GNAL: variants seen among roughly 807,000 people sequenced by gnomAD.
The protein encoded by GNAL is guanine nucleotide-binding protein G(olf) subunit alpha.
In GNAL, 18 loss-of-function variants were observed where a neutral mutation model predicts 55.1. That is an observed-to-expected ratio of 0.33 (90% confidence interval 0.23 to 0.48). GNAL has a LOEUF of 0.48. Among genes scored for constraint, GNAL ranks in the 20% least tolerant of loss-of-function variants. GNAL has a pLI of 0.99. For synonymous variants in GNAL, 253 were observed against 237.0 expected, an observed-to-expected ratio of 1.07 and a Z score of -0.62; for missense variants, 412 against 614.1, an observed-to-expected ratio of 0.67 and a Z score of 3.48.
At chr18:11,852,061 G>A (rs1376283177) in intron 5 of GNAL, 1 of 1,613,150 alleles carries the variant, frequency 6.2e-7, no homozygotes, top group Admixed American at 1.7e-5. Context: ...GGCTTCGGCG[G>A]AGCAGGATGA....
intron 4 of GNAL, among the ~76,000 whole-genome samples, chr18:11,789,136 C>T (rs2034159102): frequency 6.6e-6 from 1 of 151,810 alleles, no homozygotes; most frequent in South Asian, 2.1e-4. Context: ...CATTTCAGGT[C>T]ACACCTCTGC....
chr18:11,825,729 CAAAAA>C (rs60460793), intron 5 of GNAL, among the ~76,000 whole-genome samples: 1 of 76,926 alleles, frequency 1.3e-5, no homozygotes, highest in Non-Finnish European at 2.4e-5. Context: ...GACTCTGTCT[CAAAAA>C]AAAAAAAAAA....
intron 1 of GNAL, among the ~76,000 whole-genome samples, chr18:11,738,675 C>T (rs2032508500): frequency 6.6e-6 from 1 of 152,162 alleles, no homozygotes; most frequent in African/African-American, 2.4e-5. Context: ...TCTCGAACTC[C>T]TGGCCTCAAG....
chr18:11,689,999 G>A (rs2031188136), intron 1 of GNAL, 60 bp downstream of exon 1: 3 of 1,054,198 alleles, frequency 2.8e-6, no homozygotes, highest in Non-Finnish European at 2.4e-6. Flanking sequence ...GCCCGCGGGG[G>A]CGGCGGGCAC....
At chr18:11,839,463 A>C (rs2035566050) in intron 5 of GNAL, among the ~76,000 whole-genome samples, 1 of 139,736 alleles carries the variant, frequency 7.2e-6, no homozygotes, top group African/African-American at 2.6e-5. Context: ...TGAAAGCGGG[A>C]GGATTGCTTG....
intron 5 of GNAL, among the ~76,000 whole-genome samples, chr18:11,845,422 G>A (rs373427948): frequency 2.9e-4 from 28 of 98,056 alleles, no homozygotes; most frequent in Admixed American, 1.1e-3. Flanking sequence ...GCAGGAGAGT[G>A]CACTTTTCTT....
chr18:11,856,762 C>CT (rs5823178), intron 5 of GNAL, among the ~76,000 whole-genome samples: 20,169 of 151,826 alleles, frequency 0.13, 1,997 homozygotes, highest in African/African-American at 0.28. Context: ...CCCGTCTCTA[C>CT]TAAAAATGCA....
chr18:11,768,336 C>T (rs574440088), intron 4 of GNAL, among the ~76,000 whole-genome samples: 2 of 152,192 alleles, frequency 1.3e-5, no homozygotes, highest in Non-Finnish European at 2.9e-5. Flanking sequence ...CACCGTGGCT[C>T]ACACCTGTAA....
At chr18:11,702,252 G>T (rs2031590011) in intron 1 of GNAL, 1 of 152,252 alleles carries the variant, frequency 6.6e-6, no homozygotes, top group Admixed American at 6.5e-5. Context: ...TAGATACAAA[G>T]CTCGCTAGCA....
intron 5 of GNAL, among the ~76,000 whole-genome samples, chr18:11,834,104 G>A (rs2035449043): frequency 6.6e-6 from 1 of 152,112 alleles, no homozygotes; most frequent in Non-Finnish European, 1.5e-5. Flanking sequence ...TGAAACCAAA[G>A]TGAAAATTTA....
At chr18:11,864,796 TGAG>T (rs1297508846) in intron 7 of GNAL, among the ~76,000 whole-genome samples, 190 bp downstream of exon 7, 2 of 152,184 alleles carry the variant, frequency 1.3e-5, no homozygotes, top group African/African-American at 4.8e-5. Context: ...AAAGTAGAAA[TGAG>T]GACACCTGAA....
intron 1 of GNAL, among the ~76,000 whole-genome samples, chr18:11,725,348 G>A (rs375441915): frequency 2.0e-5 from 3 of 152,122 alleles, no homozygotes; most frequent in Non-Finnish European, 4.4e-5. Flanking sequence ...GGGAGAGGAC[G>A]CCATCCGCAA....
intron 1 of GNAL, among the ~76,000 whole-genome samples, chr18:11,711,585 G>C (rs2031840915): frequency 6.6e-6 from 1 of 152,028 alleles, no homozygotes; most frequent in South Asian, 2.1e-4. Flanking sequence ...CTATTTCTTT[G>C]TTGATATTCT....
At chr18:11,806,796 T>C (rs1415030315) in intron 4 of GNAL, among the ~76,000 whole-genome samples, 3 of 152,044 alleles carry the variant, frequency 2.0e-5, no homozygotes, top group African/African-American at 7.2e-5. Flanking sequence ...AAATGATTTG[T>C]TCTCATCATT....
At chr18:11,852,715 G>A (rs2035909370) in intron 5 of GNAL, 2 of 165,626 alleles carry the variant, frequency 1.2e-5, no homozygotes, top group Admixed American at 1.3e-4. Context: ...AATTACCTTA[G>A]GATATTTTTG....
chr18:11,851,891 T>C (rs1469289774), intron 5 of GNAL: 1 of 1,613,762 alleles, frequency 6.2e-7, no homozygotes, highest in Admixed American at 1.7e-5. Flanking sequence ...ACTCTGGACG[T>C]CCAGACGCAG....
At chr18:11,822,985 A>G (rs1490987212) in intron 4 of GNAL, among the ~76,000 whole-genome samples, 1 of 152,078 alleles carries the variant, frequency 6.6e-6, no homozygotes, top group Non-Finnish European at 1.5e-5. Context: ...AATTTGTTTC[A>G]ATGTAGCATG....
At chr18:11,710,868 C>CTGTTTTGTTTTGTTTTGTTTTGTTT (rs542715685) in intron 1 of GNAL, among the ~76,000 whole-genome samples, 90 of 151,992 alleles carry the variant, frequency 5.9e-4, no homozygotes, top group African/African-American at 1.9e-3. Flanking sequence ...TCAGTATGAA[C>CTGTTTTGTTTTGTTTTGTTTTGTTT]TGTTTTGTTT....
chr18:11,780,319 C>T (rs972616869), intron 4 of GNAL, among the ~76,000 whole-genome samples: 131 of 151,790 alleles, frequency 8.6e-4, no homozygotes, highest in African/African-American at 3.2e-3. Context: ...ATTCCTAACA[C>T]GTAAGACCTT....
Sources: gnomAD v4.1 joint callset for allele counts (sites outside exome capture counted in the v4.1 genomes callset) on GRCh38, gnomAD v4.1.1 for gene constraint, MANE v1.5 for transcripts, NCBI Gene and HGNC (gene_info 2026-07-23, HGNC 2026-07-21) for gene names.